USP37: variants seen among roughly 807,000 people sequenced by gnomAD.
USP37 encodes ubiquitin specific peptidase 37.
In USP37, 27 loss-of-function variants were observed where a neutral mutation model predicts 124.0. The ratio of observed to expected loss-of-function variants is 0.22; its 90% CI spans 0.16 to 0.30. USP37 has a LOEUF of 0.30. Ranked by LOEUF, USP37 falls within the 10% of genes least tolerant of loss-of-function variation. USP37 has a pLI of 1.00. For missense variants in USP37, 889 were observed against 1,140.4 expected (o/e 0.78, Z 3.17); for synonymous variants, 365 against 388.0 (o/e 0.94, Z 0.70).
chr2:218,535,366 A>T (rs1691567803), intron 8 of USP37, among the ~76,000 whole-genome samples: 1 of 135,716 alleles, frequency 7.4e-6, no homozygotes, highest in African/African-American at 2.6e-5. Flanking sequence ...TCTTAGTCTT[A>T]AAAAAAAAAA....
chr2:218,520,213 A>C (rs1234072494), intron 10 of USP37, among the ~76,000 whole-genome samples: 1 of 152,088 alleles, frequency 6.6e-6, no homozygotes, highest in African/African-American at 2.4e-5. Context: ...AAGTACTGGG[A>C]TTATAGACAT....
chr2:218,500,689 A>G lies in USP37; in HGVS notation c.1026-2532T>C, dbSNP rs908191466. 3.3e-5 allele frequency: 5 copies of G among 152,220 alleles called. No individual in the cohort carries two copies. In the South Asian group the frequency reaches 1.0e-3, roughly 32 times the overall value. The allele number at this position is 152,220 out of a possible 1,614,324, so 9.4% of individuals were successfully genotyped here. ...CTTCACCTGACCTAGCCTTATTTTTAATAGAACATCCCTCATACTGGGTTT... is the reference window on the plus strand; with the variant it reads ...CTTCACCTGACCTAGCCTTATTTTTGATAGAACATCCCTCATACTGGGTTT... On this transcript the variant is annotated intron_variant, in intron 11 of 25. Transcript: ENST00000258399.
intron 13 of USP37, among the ~76,000 whole-genome samples, chr2:218,496,161 G>C (rs892463147): frequency 6.6e-6 from 1 of 151,888 alleles, no homozygotes; most frequent in Non-Finnish European, 1.5e-5. Context: ...AGGTGTGGTG[G>C]CAGTCCCTGT....
Position 218,549,862 on chromosome 2 carries a change from T to C in USP37, c.376A>G (p.Ser126Gly), listed in dbSNP as rs1296626127. 4 of 1,613,090 alleles carry C rather than the reference T, an allele frequency of 2.5e-6. No individual in the cohort carries two copies. The highest frequency in any genetic ancestry group is 3.4e-6 in the Non-Finnish European group (4 of 1,179,662). The change falls in exon 6 of 26, where the codon AGC becomes GGC. Residue 126 changes from serine to glycine, a missense_variant. By Grantham distance (56) the Ser-to-Gly change is moderately conservative. Coordinates refer to ENST00000258399, the MANE Select transcript of USP37 (RefSeq NM_020935.3). The stretch of plus-strand genomic sequence containing the variant: ...CTGGTTTCCTTCTGTGAGGTCCTGC[T>C]GCCCAGAATGGCTCCAAAACTACCA... Reference protein sequence around the residue: ...GSGSFGAILGSRTSQKETSRQ... With the variant: ...GSGSFGAILGGRTSQKETSRQ...
chr2:218,458,039 C>CAAAAAAAAA (rs34696201), intron 23 of USP37, among the ~76,000 whole-genome samples: 8 of 90,168 alleles, frequency 8.9e-5, no homozygotes, highest in Admixed American at 1.2e-4. Flanking sequence ...GACTCTGTCT[C>CAAAAAAAAA]AAAAAAAAAA....
intron 10 of USP37, among the ~76,000 whole-genome samples, chr2:218,517,781 C>G (rs1690381763): frequency 6.6e-6 from 1 of 152,122 alleles, no homozygotes; most frequent in Admixed American, 6.6e-5. Context: ...CAGCCAATAT[C>G]TTTAAATACA....
At chr2:218,480,408 A>G (rs867439875) in intron 17 of USP37, among the ~76,000 whole-genome samples, 2,957 of 150,598 alleles carry the variant, frequency 0.02, 56 homozygotes, top group African/African-American at 0.066. Flanking sequence ...CAAAAAAAAA[A>G]AAAAAAAAAA....
At chr2:218,544,406 A>AAAAAAAAATATAT (rs1312705279) in intron 8 of USP37, among the ~76,000 whole-genome samples, 2 of 82,994 alleles carry the variant, frequency 2.4e-5, no homozygotes, top group African/African-American at 1.4e-4. Flanking sequence ...AAAAAAAAAA[A>AAAAAAAAATATAT]ATATATATAT....
chr2:218,517,777 A>G (rs1297499702), intron 10 of USP37, among the ~76,000 whole-genome samples: 1 of 152,168 alleles, frequency 6.6e-6, no homozygotes, highest in South Asian at 2.1e-4. Flanking sequence ...TTCTCAGCCA[A>G]TATCTTTAAA....
intron 2 of USP37, among the ~76,000 whole-genome samples, chr2:218,561,100 C>T (rs1310149808): frequency 6.6e-6 from 1 of 152,178 alleles, no homozygotes; most frequent in Non-Finnish European, 1.5e-5. Flanking sequence ...TGACATTTGG[C>T]TCAAACTAGT....
chr2:218,501,469 T>C (rs1005621896), intron 11 of USP37, among the ~76,000 whole-genome samples: 4 of 152,018 alleles, frequency 2.6e-5, no homozygotes, highest in Non-Finnish European at 4.4e-5. Flanking sequence ...AGTTTGAGAG[T>C]CTGGAATTAC....
intron 4 of USP37, among the ~76,000 whole-genome samples, chr2:218,554,798 G>T (rs888299348): frequency 6.7e-6 from 1 of 149,458 alleles, no homozygotes. Flanking sequence ...TTAAACAAAA[G>T]TTTGTAAGAC....
intron 8 of USP37, among the ~76,000 whole-genome samples, chr2:218,536,100 C>G (rs1691631855): frequency 1.3e-5 from 2 of 150,000 alleles, no homozygotes; most frequent in South Asian, 4.2e-4. Flanking sequence ...ATACTATTTG[C>G]TAAGCAGCAA....
At chr2:218,471,051 A>G (rs1309286400) in intron 20 of USP37, among the ~76,000 whole-genome samples, 1 of 152,224 alleles carries the variant, frequency 6.6e-6, no homozygotes, top group Non-Finnish European at 1.5e-5. Context: ...AAGTATTACA[A>G]AACTGACTAG....
chr2:218,488,408 T>C lies in USP37; in HGVS notation c.1486A>G (p.Ile496Val). 2 of 1,603,632 alleles carry C rather than the reference T, an allele frequency of 1.2e-6. No homozygotes were observed. The highest frequency in any genetic ancestry group is 1.7e-6 in the Non-Finnish European group (2 of 1,175,094). ...TCATTAAACTGTTCTCTTTTGGGGA[T>C]AATCTCTCCACATCTGTAAGAATAA... Reference protein sequence around the residue: ...SIICKACGEIIPKREQFNDLS... With the variant: ...SIICKACGEIVPKREQFNDLS... The change falls in exon 15 of 26, where the codon ATC (isoleucine) becomes GTC (valine). Residue 496 changes from isoleucine (I) to valine (V), a missense_variant. By Grantham distance (29) the Ile-to-Val change is conservative. This residue lies in a region of USP37 where 504 missense variants were observed against 714.3 expected (regional missense o/e 0.71). Transcript: ENST00000258399.
intron 23 of USP37, among the ~76,000 whole-genome samples, chr2:218,459,087 A>AC (rs1258132802): frequency 6.6e-6 from 1 of 151,974 alleles, no homozygotes; most frequent in Non-Finnish European, 1.5e-5. Context: ...GGTTAAAAAA[A>AC]AAAAAACAGT....
intron 10 of USP37, among the ~76,000 whole-genome samples, chr2:218,519,484 A>G (rs960533292): frequency 1.3e-5 from 2 of 152,066 alleles, no homozygotes; most frequent in African/African-American, 2.4e-5. Flanking sequence ...CCTAGCCTCT[A>G]TTGTCCTTCT....
chr2:218,517,564 T>C (rs1373993600), intron 10 of USP37, among the ~76,000 whole-genome samples: 1 of 152,244 alleles, frequency 6.6e-6, no homozygotes, highest in Non-Finnish European at 1.5e-5. Context: ...TTCTGGCTTC[T>C]ACAATTGCTA....
intron 1 of USP37, among the ~76,000 whole-genome samples, chr2:218,566,699 A>G (rs1171774321): frequency 1.3e-5 from 2 of 152,226 alleles, no homozygotes; most frequent in African/African-American, 2.4e-5. Flanking sequence ...TACTATTTCC[A>G]TTTTACAGAT....
Sources: gnomAD v4.1 joint callset for allele counts (sites outside exome capture counted in the v4.1 genomes callset) on GRCh38, gnomAD v4.1.1 for gene constraint, gnomAD v4.1.1 regional missense constraint, MANE v1.5 for transcripts, NCBI Gene and HGNC (gene_info 2026-07-23, HGNC 2026-07-21) for gene names.